TBC1D4: variants seen among roughly 807,000 people sequenced by gnomAD.
TBC1D4 encodes the protein TBC1 domain family member 4, also known as TBC (Tre-2, BUB2, CDC16) domain-containing protein.
In TBC1D4, 121 loss-of-function variants were observed where a neutral mutation model predicts 142.5. The observed-to-expected ratio is 0.85, with a 90% CI of 0.73 to 0.99. The LOEUF (loss-of-function observed/expected upper bound fraction) is 0.99. Among genes scored for constraint, TBC1D4 ranks in the 50% least tolerant of loss-of-function variants. The pLI is 0.00. For missense variants in TBC1D4, 1,475 were observed against 1,606.6 expected (o/e 0.92, Z 1.40); for synonymous variants, 630 against 628.2 (o/e 1.00, Z -0.04).
At chr13:75,381,583 C>T (rs1435438578) in intron 1 of TBC1D4, among the ~76,000 whole-genome samples, 2 of 152,124 alleles carry the variant, frequency 1.3e-5, no homozygotes, top group African/African-American at 4.8e-5. Flanking sequence ...TTGAAATGAA[C>T]CCCCCACCTT....
intron 1 of TBC1D4, among the ~76,000 whole-genome samples, chr13:75,401,204 A>T (rs1199355998): frequency 1.3e-5 from 2 of 152,164 alleles, no homozygotes; most frequent in Non-Finnish European, 2.9e-5. Context: ...ACCCAGCTCT[A>T]CCCTCAAGCT....
intron 1 of TBC1D4, among the ~76,000 whole-genome samples, chr13:75,471,982 C>T (rs1391406276): frequency 6.6e-6 from 1 of 151,940 alleles, no homozygotes; most frequent in Non-Finnish European, 1.5e-5. Flanking sequence ...TGGCGGGCGC[C>T]TGTAGTCCCA....
At position 75,356,140 on chromosome 13, in the gene TBC1D4, T is replaced by A. The variant is rs761960682; in HGVS notation, c.1275+7A>T. 30 of 1,607,512 alleles carry A rather than the reference T, an allele frequency of 1.9e-5. No homozygotes were observed. Among genetic ancestry groups the A allele is most frequent in the Admixed American group, 8.4e-5 (5 of 59,840 alleles). The stretch of plus-strand genomic sequence containing the variant: ...AGGAGCAGGCAGACAGCAATAACAC[T>A]ACTTACCAGAGATTCGCTGGCACAC... On this transcript the variant is annotated splice_region_variant and intron_variant, in intron 4 of 20. Transcript: ENST00000377636.
rs142108988 is a variant in TBC1D4, at chr13:75,441,202, G to A, written c.498+40068C>T. Among the ~76,000 whole-genome samples the A allele has an allele frequency of 9.9e-5, 15 of 152,232 alleles. 1 individual carries two copies. In the East Asian group the frequency reaches 2.3e-3, roughly 24 times the overall value. On this transcript the variant is annotated intron_variant, in intron 1 of 20. Transcript: ENST00000377636. ...ACCTGGGAGGCAGAGGTTGCAGTGC[G>A]CCAAGATCGCACCACTGCACTCCAG...
At chr13:75,297,317 C>T (rs566445) in intron 17 of TBC1D4, among the ~76,000 whole-genome samples, 7,866 of 152,112 alleles carry the variant, frequency 0.052, 447 homozygotes, top group African/African-American at 0.13. Flanking sequence ...AGCTATTATC[C>T]TTTTATCTGT....
chr13:75,463,144 T>C (rs376304558), intron 1 of TBC1D4, among the ~76,000 whole-genome samples: 4 of 150,886 alleles, frequency 2.7e-5, no homozygotes, highest in Non-Finnish European at 5.9e-5. Context: ...GTATTGCCAA[T>C]ATTCCTGCAG....
chr13:75,298,342 A>C (rs1876165539), intron 17 of TBC1D4, among the ~76,000 whole-genome samples: 2 of 152,216 alleles, frequency 1.3e-5, no homozygotes, highest in South Asian at 4.1e-4. Context: ...CACTTAGAGA[A>C]GTGAAAACTA....
intron 1 of TBC1D4, among the ~76,000 whole-genome samples, chr13:75,480,031 C>A (rs144701111): frequency 7.0e-4 from 102 of 144,690 alleles, no homozygotes; most frequent in Admixed American, 8.2e-4. Context: ...GACTCCGTCT[C>A]AAAAAAAAAA....
chr13:75,457,967 T>G (rs946866521), intron 1 of TBC1D4, among the ~76,000 whole-genome samples: 6 of 152,120 alleles, frequency 3.9e-5, no homozygotes, highest in Admixed American at 1.3e-4. Context: ...GCGCTTTTGG[T>G]CTCTGGCCGC....
chr13:75,425,414 T>C (rs971145602), intron 1 of TBC1D4, among the ~76,000 whole-genome samples: 1 of 152,160 alleles, frequency 6.6e-6, no homozygotes, highest in Non-Finnish European at 1.5e-5. Context: ...GAAAACAGTA[T>C]AGAGGTTCCT....
At position 75,337,003 on chromosome 13, in the gene TBC1D4, C is replaced by T. The variant is rs774254446; in HGVS notation, c.1649G>A (p.Ser550Asn). ...AATGTCAAGTTTGAACCTTCCACTG[C>T]TTGTTGCATTTTCTGGGATTGTACT... ...SNSTIPENATSSGRFKLDILK... is the reference protein window; with the variant it reads ...SNSTIPENATNSGRFKLDILK... Residue 550 changes from serine to asparagine, a missense_variant, in exon 8 of 21, where the codon AGC becomes AAC. Ser to Asn is a conservative substitution (Grantham distance 46). Coordinates refer to ENST00000377636, the MANE Select transcript of TBC1D4 (RefSeq NM_014832.5). The T allele has an allele frequency of 8.1e-6, 13 of 1,613,076 alleles. No homozygotes were observed. In the South Asian group the frequency reaches 1.2e-4, roughly 15 times the overall value.
rs67975515 is a variant in TBC1D4 at position 75,471,736 on chromosome 13, C to CA, written c.498+9533dup. 2.4e-3 allele frequency among the ~76,000 whole-genome samples: 328 copies of CA among 137,440 alleles called. 1 individual carries two copies. Among genetic ancestry groups the CA allele is most frequent in the African/African-American group, 8.3e-3 (308 of 37,292 alleles). The allele number at this position is 137,440 out of a possible 152,430, so 90.2% of individuals were successfully genotyped here. A position where few individuals can be genotyped will look rare whatever the true frequency, so the allele number is the denominator to read the frequency against. ...AGCCTAGGTGACGGTGAGACTGTCT[C>CA]AAAAAAAAAAAAAAAGAAAGAAACT... On this transcript the variant is annotated intron_variant, in intron 1 of 20. Transcript: ENST00000377636.
chr13:75,436,583 G>A (rs1291365857), intron 1 of TBC1D4, among the ~76,000 whole-genome samples: 2 of 151,972 alleles, frequency 1.3e-5, no homozygotes, highest in Non-Finnish European at 2.9e-5. Flanking sequence ...CTGAGCTCAA[G>A]GAGGCTGAGG....
At chr13:75,296,554 T>G (rs1163020000) in intron 17 of TBC1D4, among the ~76,000 whole-genome samples, 2 of 152,148 alleles carry the variant, frequency 1.3e-5, no homozygotes. Flanking sequence ...AGAACACAAT[T>G]CAGGCTTCCT....
intron 13 of TBC1D4, 114 bp from the exon 14 acceptor site, chr13:75,310,265 G>T (rs759948069): frequency 1.0e-5 from 11 of 1,067,132 alleles, no homozygotes; most frequent in Admixed American, 2.1e-5. Context: ...TCACAAAGCC[G>T]CTTTCCCTGT....
intron 1 of TBC1D4, among the ~76,000 whole-genome samples, chr13:75,401,305 A>C (rs1016478088): frequency 6.6e-6 from 1 of 152,062 alleles, no homozygotes; most frequent in African/African-American, 2.4e-5. Flanking sequence ...CCAAACCCCA[A>C]ATCTCCCACA....
intron 1 of TBC1D4, among the ~76,000 whole-genome samples, chr13:75,426,919 C>T (rs188515939): frequency 1.8e-3 from 266 of 150,392 alleles, no homozygotes; most frequent in African/African-American, 6.2e-3. Context: ...CATGGTGGTG[C>T]ATGCCTGTAG....
At chr13:75,478,995 T>C (rs1048560266) in intron 1 of TBC1D4, among the ~76,000 whole-genome samples, 3 of 152,224 alleles carry the variant, frequency 2.0e-5, no homozygotes, top group African/African-American at 7.2e-5. Context: ...TGCGGGGTCA[T>C]ATATAAAAAT....
At chr13:75,400,575 AG>A (rs1293432526) in intron 1 of TBC1D4, among the ~76,000 whole-genome samples, 10 of 149,692 alleles carry the variant, frequency 6.7e-5, no homozygotes, top group African/African-American at 2.5e-4. Context: ...CTCCTGCCTC[AG>A]CCTCCCAAGT....
Sources: allele counts gnomAD v4.1 joint callset (sites outside exome capture counted in the v4.1 genomes callset), GRCh38; gene constraint gnomAD v4.1.1; transcripts MANE v1.5; gene names NCBI Gene and HGNC (gene_info 2026-07-23, HGNC 2026-07-21).